Variants in KCTD16 observed in about 807,000 individuals in gnomAD.
The protein encoded by KCTD16 is potassium channel tetramerization domain containing 16, also known as BTB/POZ domain-containing protein KCTD16.
KCTD16 carries 13 observed loss-of-function variants against 33.2 expected under a neutral mutation model. That is an observed-to-expected ratio of 0.39 (90% CI 0.25 to 0.62). The LOEUF is 0.62. KCTD16 is among the 20% of genes least tolerant of loss of function. The probability of loss-of-function intolerance (pLI) is 0.50; values close to 1 mark genes in which losing one functional copy is unlikely to be tolerated. For synonymous variants in KCTD16, 197 were observed against 195.3 expected (o/e 1.01, Z -0.07); for missense variants, 441 against 525.1 (o/e 0.84, Z 1.57).
chr5:144,183,668 T>C (rs1287060300), intron 2 of KCTD16, among the ~76,000 whole-genome samples: 3 of 152,206 alleles, frequency 2.0e-5, no homozygotes, highest in African/African-American at 4.8e-5. Flanking sequence ...CTAGAAATTG[T>C]ATATTGCTGC....
intron 3 of KCTD16, among the ~76,000 whole-genome samples, chr5:144,247,465 C>T (rs1754581282): frequency 6.6e-6 from 1 of 152,150 alleles, no homozygotes; most frequent in Non-Finnish European, 1.5e-5. Context: ...GATTTTAGTT[C>T]CCAGCAATCA....
At chr5:144,462,191 G>T (rs1329615463) in intron 3 of KCTD16, among the ~76,000 whole-genome samples, 1 of 151,686 alleles carries the variant, frequency 6.6e-6, no homozygotes, top group African/African-American at 2.4e-5. Context: ...TCATTATTAT[G>T]GCACTAGTAT....
chr5:144,271,183 C>G (rs1755282978), intron 3 of KCTD16, among the ~76,000 whole-genome samples: 1 of 151,920 alleles, frequency 6.6e-6, no homozygotes, highest in African/African-American at 2.4e-5. Context: ...CCAGTATTAC[C>G]TTAATACCAA....
At chr5:144,209,073 A>C (rs1333008528) in intron 3 of KCTD16, among the ~76,000 whole-genome samples, 5 of 152,224 alleles carry the variant, frequency 3.3e-5, no homozygotes, top group Non-Finnish European at 7.3e-5. Context: ...TTTTTGGAGA[A>C]GTACATCTTA....
chr5:144,433,365 A>T (rs917316544), intron 3 of KCTD16, among the ~76,000 whole-genome samples: 6 of 152,112 alleles, frequency 3.9e-5, no homozygotes, highest in African/African-American at 1.4e-4. Context: ...ACTGAATGGG[A>T]CTTAGAGGCC....
intron 3 of KCTD16, among the ~76,000 whole-genome samples, chr5:144,402,878 G>A (rs1357136302): frequency 1.3e-5 from 2 of 152,162 alleles, no homozygotes; most frequent in African/African-American, 4.8e-5. Context: ...AATTTATTCT[G>A]TTACCGTTTG....
chr5:144,249,572 C>T (rs1754640440), intron 3 of KCTD16, among the ~76,000 whole-genome samples: 1 of 152,092 alleles, frequency 6.6e-6, no homozygotes, highest in African/African-American at 2.4e-5. Context: ...AAAGCCTATT[C>T]TCTGTTATAA....
intron 2 of KCTD16, among the ~76,000 whole-genome samples, chr5:144,187,458 A>G (rs926471391): frequency 1.3e-5 from 2 of 152,046 alleles, no homozygotes; most frequent in Non-Finnish European, 2.9e-5. Context: ...ATACACACAC[A>G]CATACACACA....
chr5:144,346,332 C>G (rs1043040107), intron 3 of KCTD16, among the ~76,000 whole-genome samples: 1 of 152,134 alleles, frequency 6.6e-6, no homozygotes, highest in Non-Finnish European at 1.5e-5. Context: ...GTGCAGATAT[C>G]TCTTTGATAT....
chr5:144,207,283 C>A lies in KCTD16; in HGVS notation c.569C>A (p.Pro190His), dbSNP rs947127517. 10 of 1,613,996 alleles carry A rather than the reference C, an allele frequency of 6.2e-6. No individual in the cohort carries two copies. The highest frequency in any genetic ancestry group is 8.5e-6 in the Non-Finnish European group (10 of 1,180,044). ...GQADAKFRRVPRILVCGRISL... is the reference protein window; with the variant it reads ...GQADAKFRRVHRILVCGRISL... The stretch of plus-strand genomic sequence containing the variant: ...GCAGATGCCAAGTTTCGGAGAGTTC[C>A]CCGGATTTTGGTTTGTGGAAGGATT... The change falls in exon 3 of 4, where the codon CCC becomes CAC. Residue 190 changes from proline to histidine, a missense_variant. Physicochemically the swap from Pro to His is moderately conservative, Grantham distance 77 (BLOSUM62 -2). Around this residue, in one of 3 missense-constraint regions of KCTD16, gnomAD observed 355 missense variants for 413.0 expected, o/e 0.86. Transcript: ENST00000512467.
At chr5:144,378,039 A>C (rs1481108084) in intron 3 of KCTD16, among the ~76,000 whole-genome samples, 1 of 152,224 alleles carries the variant, frequency 6.6e-6, no homozygotes, top group Non-Finnish European at 1.5e-5. Flanking sequence ...GACGTTAATT[A>C]TAAGAAAACA....
intron 3 of KCTD16, among the ~76,000 whole-genome samples, chr5:144,250,860 TCATGATATATTTATGTAAGTGGATTAACA>T (rs1381027272): frequency 6.6e-6 from 1 of 152,224 alleles, no homozygotes; most frequent in East Asian, 1.9e-4. Flanking sequence ...ATAATTGCAT[TCATGATATATTTATGTAAGTGGATTAACA>T]CAGTTTTTAG....
chr5:144,373,760 G>A (rs1279202139), intron 3 of KCTD16, among the ~76,000 whole-genome samples: 1 of 152,188 alleles, frequency 6.6e-6, no homozygotes, highest in Non-Finnish European at 1.5e-5. Context: ...ATTTACAAAT[G>A]GCAAATCACA....
At chr5:144,406,857 G>C (rs1752819575) in intron 3 of KCTD16, among the ~76,000 whole-genome samples, 1 of 152,120 alleles carries the variant, frequency 6.6e-6, no homozygotes, top group African/African-American at 2.4e-5. Flanking sequence ...GCCAGCCTCT[G>C]TATGAAACTG....
intron 3 of KCTD16, among the ~76,000 whole-genome samples, chr5:144,465,134 G>C (rs1204967613): frequency 6.6e-6 from 1 of 150,606 alleles, no homozygotes; most frequent in Non-Finnish European, 1.5e-5. Context: ...CATAGGATAG[G>C]TGTTTGATAA....
chr5:144,230,540 T>C (rs1194920762), intron 3 of KCTD16, among the ~76,000 whole-genome samples: 4 of 152,246 alleles, frequency 2.6e-5, no homozygotes, highest in Non-Finnish European at 4.4e-5. Context: ...ATGTATAAAA[T>C]GTGGGAACTA....
chr5:144,199,936 A>T (rs1753011791), intron 2 of KCTD16, among the ~76,000 whole-genome samples: 1 of 151,798 alleles, frequency 6.6e-6, no homozygotes, highest in Non-Finnish European at 1.5e-5. Context: ...GATGGTCTCG[A>T]TCTCCTGATC....
chr5:144,179,391 G>A (rs1752572159), intron 2 of KCTD16, among the ~76,000 whole-genome samples: 1 of 152,166 alleles, frequency 6.6e-6, no homozygotes. Context: ...TCATCCTCTA[G>A]ATACTGTACA....
chr5:144,267,167 A>G (rs1160719295), intron 3 of KCTD16, among the ~76,000 whole-genome samples: 7 of 152,230 alleles, frequency 4.6e-5, no homozygotes, highest in Non-Finnish European at 1.5e-5. Context: ...GGTTCCTTAC[A>G]GAAGATGAAT....
Sources: gnomAD v4.1 joint callset for allele counts (sites outside exome capture counted in the v4.1 genomes callset) on GRCh38, gnomAD v4.1.1 for gene constraint, gnomAD v4.1.1 regional missense constraint, MANE v1.5 for transcripts, NCBI Gene and HGNC (gene_info 2026-07-23, HGNC 2026-07-21) for gene names.